Variants in TLN2 observed in about 807,000 individuals in gnomAD.
TLN2 encodes the protein talin-2.
Under a neutral mutation model 294.7 loss-of-function variants are expected in TLN2, and 118 were observed. The ratio of observed to expected loss-of-function variants is 0.40; its 90% CI spans 0.34 to 0.47. The LOEUF is 0.47. Ranked by LOEUF, TLN2 falls within the 20% of genes least tolerant of loss-of-function variation. The pLI is 0.84. For missense variants in TLN2, 3,083 were observed against 3,282.2 expected, an observed-to-expected ratio of 0.94 and a Z score of 1.48; for synonymous variants, 1,431 against 1,304.5, an observed-to-expected ratio of 1.10 and a Z score of -2.09.
intron 51 of TLN2, among the ~76,000 whole-genome samples, chr15:62,807,951 G>A (rs562213081): frequency 1.3e-5 from 2 of 152,144 alleles, no homozygotes; most frequent in African/African-American, 2.4e-5. Flanking sequence ...GCCTCTGGCC[G>A]AAAGGGAGCG....
At chr15:62,573,114 T>C (rs893707860) in intron 1 of TLN2, among the ~76,000 whole-genome samples, 3 of 152,154 alleles carry the variant, frequency 2.0e-5, no homozygotes, top group Non-Finnish European at 2.9e-5. Flanking sequence ...GCATCCGGTG[T>C]TTATAACCAC....
chr15:62,396,839 G>A (rs150317830), intron 1 of TLN2, among the ~76,000 whole-genome samples: 1 of 152,100 alleles, frequency 6.6e-6, no homozygotes, highest in Non-Finnish European at 1.5e-5. Context: ...CAAGTAGCTG[G>A]GATTAAGGGC....
At chr15:62,838,804 G>A (rs1420871475) in intron 57 of TLN2, 52 bp from the exon 58 acceptor site, 1 of 1,599,180 alleles carries the variant, frequency 6.3e-7, no homozygotes, top group East Asian at 2.2e-5. Context: ...ATTCTTGCCA[G>A]GCCCAAATGG....
intron 1 of TLN2, among the ~76,000 whole-genome samples, chr15:62,581,926 C>G (rs1249959075): frequency 1.3e-5 from 2 of 151,790 alleles, no homozygotes; most frequent in Non-Finnish European, 2.9e-5. Flanking sequence ...AGTCTGTAGT[C>G]CCAGCTACCC....
Position 62,836,055 on chromosome 15 carries a change from G to A in TLN2, c.7356G>A (p.Glu2452=). Residue 2452 remains glutamate, a synonymous_variant, in exon 57 of 59, where the codon GAG becomes GAA. Transcript: ENST00000636159. ...ACKVKADQDS[E]AMRRLQAAGN... Reference sequence around the variant, plus strand: ...AGGTGAAGGCCGACCAGGATTCAGAGGCCATGAGGCGGCTACAGGTAATGG... The same window carrying A: ...AGGTGAAGGCCGACCAGGATTCAGAAGCCATGAGGCGGCTACAGGTAATGG... 1 of 1,611,030 alleles carries A rather than the reference G, an allele frequency of 6.2e-7. No homozygotes were observed. The highest frequency in any genetic ancestry group is 8.5e-7 in the Non-Finnish European group (1 of 1,178,724).
intron 11 of TLN2, among the ~76,000 whole-genome samples, chr15:62,675,827 G>A (rs1231588842): frequency 6.6e-6 from 1 of 152,160 alleles, no homozygotes; most frequent in Non-Finnish European, 1.5e-5. Flanking sequence ...TTTTGAAATT[G>A]TACCTGTGAG....
intron 12 of TLN2, among the ~76,000 whole-genome samples, chr15:62,688,373 T>G (rs910910023): frequency 6.6e-6 from 1 of 152,204 alleles, no homozygotes; most frequent in African/African-American, 2.4e-5. Flanking sequence ...GAACATACTC[T>G]GTATGATTTC....
In TLN2 at chr15:62,650,104, C is replaced by G. The variant is rs1160668837; in HGVS notation, c.157C>G (p.Leu53Val). The G allele has an allele frequency of 1.9e-6, 3 of 1,614,156 alleles. No homozygotes were observed. The highest frequency in any genetic ancestry group is 1.1e-5 in the South Asian group (1 of 91,078). ...TGQASDYGLF[L>V]SDEDPRKGIW... ...TTCAGCTTCTGACTATGGACTCTTT[C>G]TTTCGGATGAAGACCCGAGGAAAGG... Residue 53 changes from leucine to valine, a missense_variant, in exon 5 of 59, where the codon CTT becomes GTT. Physicochemically the swap from Leu to Val is conservative, Grantham distance 32. Transcript: ENST00000636159.
chr15:62,705,996 T>A (rs957165738), intron 19 of TLN2, among the ~76,000 whole-genome samples: 8 of 152,234 alleles, frequency 5.3e-5, no homozygotes, highest in South Asian at 2.1e-4. Flanking sequence ...TTGTTCTATG[T>A]AAAATTGTGC....
intron 55 of TLN2, 153 bp from the exon 56 acceptor site, chr15:62,835,584 G>A (rs1029767521): frequency 3.1e-5 from 24 of 776,186 alleles, no homozygotes; most frequent in Admixed American, 8.7e-5. Context: ...TGAGTCCCAC[G>A]TGAGAAAGGT....
At chr15:62,528,993 A>G (rs1596024299) in intron 1 of TLN2, among the ~76,000 whole-genome samples, 2 of 152,122 alleles carry the variant, frequency 1.3e-5, no homozygotes, top group Non-Finnish European at 2.9e-5. Context: ...TTTTACTCAT[A>G]AGTAATACTT....
Position 62,545,264 on chromosome 15 carries a change from TG to T in TLN2, c.-237-44422del. 3.3e-5 allele frequency among the ~76,000 whole-genome samples: 5 copies of T among 152,246 alleles called. No individual in the cohort carries two copies. In the Middle Eastern group the frequency reaches 0.014, roughly 414 times the overall value. On this transcript the variant is annotated intron_variant, in intron 1 of 58. Coordinates refer to ENST00000636159, the MANE Select transcript of TLN2 (RefSeq NM_015059.3). ...TTATGCTTTTTCTTTTATTGACTGA[TG>T]TGTACAGAAAAATTGGGGGGTGAAG...
At chr15:62,838,556 A>C (rs2070104738) in intron 57 of TLN2, among the ~76,000 whole-genome samples, 1 of 152,220 alleles carries the variant, frequency 6.6e-6, no homozygotes. Context: ...CACACACATC[A>C]CATTGCTGGG....
At chr15:62,515,412 G>C (rs1480595493) in intron 1 of TLN2, among the ~76,000 whole-genome samples, 2 of 152,194 alleles carry the variant, frequency 1.3e-5, no homozygotes, top group Non-Finnish European at 2.9e-5. Flanking sequence ...CTACTCCAAA[G>C]AGCCAGCAAG....
At chr15:62,432,051 A>G (rs2035039051) in intron 1 of TLN2, among the ~76,000 whole-genome samples, 1 of 152,220 alleles carries the variant, frequency 6.6e-6, no homozygotes, top group Non-Finnish European at 1.5e-5. Flanking sequence ...GTGACTCAGA[A>G]TCATAGCAGG....
chr15:62,663,456 G>A (rs1381450370), intron 9 of TLN2, among the ~76,000 whole-genome samples: 2 of 151,674 alleles, frequency 1.3e-5, no homozygotes, highest in Admixed American at 1.3e-4. Context: ...GAAAGAAAAA[G>A]AGCTAAACCA....
intron 1 of TLN2, among the ~76,000 whole-genome samples, chr15:62,487,690 T>G (rs2038478698): frequency 6.6e-6 from 1 of 151,158 alleles, no homozygotes; most frequent in Non-Finnish European, 1.5e-5. Context: ...AACGACACTT[T>G]GGGAGGCTGA....
At chr15:62,828,823 T>C (rs1425290124) in intron 54 of TLN2, 1 of 152,240 alleles carries the variant, frequency 6.6e-6, no homozygotes, top group Non-Finnish European at 1.5e-5. Context: ...GATCATCACA[T>C]GGGCTCCTCT....
intron 1 of TLN2, among the ~76,000 whole-genome samples, chr15:62,415,844 TG>T (rs1350194248): frequency 2.0e-5 from 3 of 152,216 alleles, no homozygotes; most frequent in African/African-American, 4.8e-5. Context: ...CTCGGAGTTG[TG>T]GGGGGTAGCC....
Sources: allele counts gnomAD v4.1 joint callset (sites outside exome capture counted in the v4.1 genomes callset), GRCh38; gene constraint gnomAD v4.1.1; transcripts MANE v1.5; gene names NCBI Gene and HGNC (gene_info 2026-07-23, HGNC 2026-07-21).